The following PLBD2 variants were observed in gnomAD, a reference collection of about 807,000 sequenced individuals.
The protein encoded by PLBD2 is putative aminopeptidase PLBD2.
In PLBD2, 51 loss-of-function variants were observed where a neutral mutation model predicts 68.3. The observed-to-expected ratio is 0.75, with a 90% confidence interval of 0.60 to 0.94. The LOEUF is 0.94. Among genes scored for constraint, PLBD2 ranks in the 40% least tolerant of loss-of-function variants. The pLI is 0.00. For synonymous variants in PLBD2, 314 were observed against 339.3 expected (o/e 0.93, Z 0.82); for missense variants, 729 against 792.2 (o/e 0.92, Z 0.96).
Position 113,372,857 on chromosome 12 carries a change from C to T in PLBD2, c.543+50C>T, listed in dbSNP as rs776375055. 3.8e-6 allele frequency: 6 copies of T among 1,588,408 alleles called. No homozygotes were observed. Among genetic ancestry groups the T allele is most frequent in the Non-Finnish European group, 4.3e-6 (5 of 1,168,656 alleles). ...GGGAGGGGGCTTCCAGCTGGCCAGC[C>T]ATCCTGTCTCCTGTTGTTCTGGCCA... On this transcript the variant is annotated intron_variant, in intron 3 of 11. Transcript: ENST00000280800. The surrounding 1 kb of genome is among the most constrained non-coding windows in gnomAD (Gnocchi z 4.2).
At chr12:113,373,167 G>A (rs530135688) in intron 3 of PLBD2, among the ~76,000 whole-genome samples, 2 of 152,358 alleles carry the variant, frequency 1.3e-5, no homozygotes, top group African/African-American at 4.8e-5. Context: ...ATGAGAAAGA[G>A]GGGAAGGGGA....
chr12:113,384,829 C>T lies in PLBD2; in HGVS notation c.1119-22C>T. ...GAGGTGGCTCCAGGCTCTGTTCAGTCCTCCCTTCCCCTGCCCGGCAGGTAT... is the reference window on the plus strand; with the variant it reads ...GAGGTGGCTCCAGGCTCTGTTCAGTTCTCCCTTCCCCTGCCCGGCAGGTAT... On this transcript the variant is annotated intron_variant, in intron 7 of 11. Coordinates refer to ENST00000280800, the MANE Select transcript of PLBD2 (RefSeq NM_173542.4). The surrounding 1 kb of genome is among the most constrained non-coding windows in gnomAD (Gnocchi z 4.2). The T allele has an allele frequency of 2.5e-6, 4 of 1,607,450 alleles. No individual in the cohort carries two copies. Among genetic ancestry groups the T allele is most frequent in the Non-Finnish European group, 3.4e-6 (4 of 1,174,418 alleles).
At chr12:113,385,030 C>T in intron 8 of PLBD2, 84 bp downstream of exon 8, 2 of 1,415,318 alleles carry the variant, frequency 1.4e-6, no homozygotes, top group South Asian at 2.4e-5. Flanking sequence ...TGGCGCTGTG[C>T]AGGAAGTGAA....
Position 113,384,350 on chromosome 12 carries a change from G to T in PLBD2, c.1118+85G>T. ...TTAACACTCACACTCCTGGGGACCA[G>T]ATGTGGCATCCGGGCCACACACCCC... On this transcript the variant is annotated intron_variant, in intron 7 of 11. Transcript: ENST00000280800. This position sits in a 1 kb window ranked among gnomAD's most constrained non-coding sequence, Gnocchi z 4.2. 3 of 1,488,336 alleles carry T rather than the reference G, an allele frequency of 2.0e-6. No homozygotes were observed. The South Asian group carries it at 3.9e-5, about 19-fold the overall frequency. The allele number at this position is 1,488,336 out of a possible 1,614,324, so 92.2% of individuals were successfully genotyped here.
chr12:113,374,634 C>T, intron 4 of PLBD2, 60 bp downstream of exon 4: 2 of 1,488,346 alleles, frequency 1.3e-6, no homozygotes, highest in Non-Finnish European at 1.8e-6. Flanking sequence ...CATAGTCGGA[C>T]AGACCTGGGT....
At chr12:113,359,009 T>G (rs1188198468) in intron 1 of PLBD2, 119 bp downstream of exon 1, 1 of 1,148,386 alleles carries the variant, frequency 8.7e-7, no homozygotes, top group Middle Eastern at 2.9e-4. Flanking sequence ...TCTCTGGGGG[T>G]CAGCTACTCC....
chr12:113,361,927 A>C (rs897056407), intron 1 of PLBD2, among the ~76,000 whole-genome samples: 1 of 152,188 alleles, frequency 6.6e-6, no homozygotes, highest in African/African-American at 2.4e-5. Flanking sequence ...GGAATTAACA[A>C]ATTTAGTAAA....
chr12:113,374,406 G>T, intron 3 of PLBD2, 68 bp from the exon 4 acceptor site: 3 of 1,104,962 alleles, frequency 2.7e-6, no homozygotes, highest in Non-Finnish European at 4.0e-6. Flanking sequence ...AGCCCGTCCC[G>T]TTGAAGGAGA....
At chr12:113,370,345 A>G in intron 2 of PLBD2, among the ~76,000 whole-genome samples, 1 of 152,088 alleles carries the variant, frequency 6.6e-6, no homozygotes, top group Admixed American at 6.6e-5. Flanking sequence ...GGGATGCTCA[A>G]TGGTATCAGT....
intron 6 of PLBD2, among the ~76,000 whole-genome samples, chr12:113,383,717 G>T (rs1046358810): frequency 1.3e-5 from 2 of 151,664 alleles, no homozygotes; most frequent in Admixed American, 1.3e-4. Flanking sequence ...ACCATGCCCG[G>T]CAGATTAAGT....
chr12:113,380,829 T>C lies in PLBD2; in HGVS notation c.944T>C (p.Leu315Pro). 1 of 1,555,356 alleles carries C rather than the reference T, an allele frequency of 6.4e-7. No homozygotes were observed. The change falls in exon 6 of 12, where the codon CTG becomes CCG. Residue 315 changes from leucine to proline, a missense_variant. Physicochemically the swap from Leu to Pro is moderately conservative, Grantham distance 98 (BLOSUM62 -3). Transcript: ENST00000280800. ...TIFSCDDFYI[L>P]GSGLVTLETT... ...TTCTCCTGCGACGACTTCTACATCC[T>C]GGGCAGTGGGCTGGTGAGTCCCTTT...
intron 5 of PLBD2, among the ~76,000 whole-genome samples, chr12:113,378,121 A>T (rs1181312821): frequency 6.6e-6 from 1 of 152,174 alleles, no homozygotes; most frequent in African/African-American, 2.4e-5. Context: ...GTGAAACCCC[A>T]TCTCTACTAA....
intron 5 of PLBD2, among the ~76,000 whole-genome samples, chr12:113,379,983 C>T (rs1006880510): frequency 3.3e-5 from 5 of 152,182 alleles, no homozygotes; most frequent in African/African-American, 9.7e-5. Context: ...TTCTATAATA[C>T]GGCTGACTGT....
At position 113,387,607 on chromosome 12, in the gene PLBD2, G is replaced by T. The variant is rs116313302; in HGVS notation, c.1440-137G>T. ...CCGGGCCCCAGGCAGAGGAACTGTCGGGGGTAGTGTGCAGTGGGAGGGGCT... is the reference window on the plus strand; with the variant it reads ...CCGGGCCCCAGGCAGAGGAACTGTCTGGGGTAGTGTGCAGTGGGAGGGGCT... On this transcript the variant is annotated intron_variant, in intron 10 of 11. Coordinates refer to ENST00000280800, the MANE Select transcript of PLBD2 (RefSeq NM_173542.4). The T allele has an allele frequency of 5.4e-3, 4,996 of 932,810 alleles. 154 individuals carry two copies. In the African/African-American group the frequency reaches 0.07, roughly 13 times the overall value. 57.8% of individuals were successfully genotyped at this position (932,810 alleles called of 1,614,324 possible). A position where few individuals can be genotyped will look rare whatever the true frequency, so the allele number is the denominator to read the frequency against.
chr12:113,370,143 G>A (rs1230078136), intron 2 of PLBD2, among the ~76,000 whole-genome samples: 2 of 152,066 alleles, frequency 1.3e-5, no homozygotes, highest in African/African-American at 2.4e-5. Context: ...CAAGTGATCC[G>A]CCCACCTCGG....
chr12:113,376,046 G>T (rs1266437858), intron 5 of PLBD2, among the ~76,000 whole-genome samples: 1 of 151,890 alleles, frequency 6.6e-6, no homozygotes, highest in African/African-American at 2.4e-5. Flanking sequence ...CAGAGACAGG[G>T]TTTTCCCATA....
In PLBD2 at chr12:113,388,934, C is replaced by T. The variant is rs962879008; in HGVS notation, c.*308C>T. 3 of 230,796 alleles carry T rather than the reference C, an allele frequency of 1.3e-5. No individual in the cohort carries two copies. Among genetic ancestry groups the T allele is most frequent in the African/African-American group, 4.5e-5 (2 of 44,142 alleles). 14.3% of individuals were successfully genotyped at this position (230,796 alleles called of 1,614,324 possible). On this transcript the variant is annotated 3_prime_UTR_variant, in exon 12 of 12. Transcript: ENST00000280800. Reference sequence around the variant, plus strand: ...ATTCCCACCTCTGGGGCCCCTTCCTCGTGCTTCTCCTTCCTGAGGGTTTGG... The same window carrying T: ...ATTCCCACCTCTGGGGCCCCTTCCTTGTGCTTCTCCTTCCTGAGGGTTTGG...
At chr12:113,364,282 A>G (rs910915284) in intron 1 of PLBD2, among the ~76,000 whole-genome samples, 1 of 152,346 alleles carries the variant, frequency 6.6e-6, no homozygotes, top group Middle Eastern at 3.4e-3. Flanking sequence ...GGAGGAGGCC[A>G]CTGGCCGCTC....
intron 2 of PLBD2, among the ~76,000 whole-genome samples, chr12:113,371,680 A>G (rs1055366077): frequency 2.6e-5 from 4 of 152,254 alleles, no homozygotes; most frequent in Non-Finnish European, 5.9e-5. Flanking sequence ...CACTTTGCCC[A>G]CAAAGTCTCA....
Sources: allele counts gnomAD v4.1 joint callset (sites outside exome capture counted in the v4.1 genomes callset), GRCh38; gene constraint gnomAD v4.1.1; non-coding constraint Gnocchi (gnomAD v3.1); transcripts MANE v1.5; gene names NCBI Gene and HGNC (gene_info 2026-07-23, HGNC 2026-07-21).